Variants in DPP10 observed in about 807,000 individuals in gnomAD.
DPP10 encodes the protein inactive dipeptidyl peptidase 10.
In DPP10, 33 loss-of-function variants were observed where a neutral mutation model predicts 120.9. The ratio of observed to expected loss-of-function variants is 0.27; its 90% CI spans 0.21 to 0.37. The LOEUF is 0.37. Ranked by LOEUF, DPP10 falls within the 10% of genes least tolerant of loss-of-function variation. DPP10 has a pLI of 1.00. For missense variants in DPP10, 816 were observed against 942.8 expected (o/e 0.87, Z 1.76); for synonymous variants, 337 against 326.1 (o/e 1.03, Z -0.36).
intron 1 of DPP10, among the ~76,000 whole-genome samples, chr2:114,522,005 A>T (rs1029761088): frequency 9.3e-6 from 1 of 107,528 alleles, no homozygotes; most frequent in African/African-American, 3.7e-5. Context: ...TTTGAGACGG[A>T]GTCTCGCTCT....
intron 1 of DPP10, among the ~76,000 whole-genome samples, chr2:114,682,569 AATT>A (rs143088528): frequency 1.8e-3 from 269 of 149,130 alleles, no homozygotes; most frequent in African/African-American, 5.0e-3. Context: ...ATCGATGGGT[AATT>A]ATTATTATTA....
intron 2 of DPP10, among the ~76,000 whole-genome samples, chr2:115,317,131 C>A (rs1055173536): frequency 2.0e-5 from 3 of 152,040 alleles, no homozygotes; most frequent in African/African-American, 7.2e-5. Flanking sequence ...ATATTCATCA[C>A]CCCAAAAGGA....
rs1263682058 is a variant in DPP10, at chr2:115,842,427, C to T, written c.*82C>T. Reference sequence around the variant, plus strand: ...AGAGACTGTAATATTGTAGTTGCTCCAGAATGTCAAGGGCAGCTTACGGAG... The same window carrying T: ...AGAGACTGTAATATTGTAGTTGCTCTAGAATGTCAAGGGCAGCTTACGGAG... On this transcript the variant is annotated 3_prime_UTR_variant, in exon 26 of 26. Transcript: ENST00000410059. 1 of 1,497,552 alleles carries T rather than the reference C, an allele frequency of 6.7e-7. No homozygotes were observed. Among genetic ancestry groups the T allele is most frequent in the African/African-American group, 1.4e-5 (1 of 72,658 alleles). The allele number at this position is 1,497,552 out of a possible 1,614,324, so 92.8% of individuals were successfully genotyped here. A position where few individuals can be genotyped will look rare whatever the true frequency, so the allele number is the denominator to read the frequency against.
chr2:115,109,546 A>AG (rs1366695046), intron 1 of DPP10, among the ~76,000 whole-genome samples: 1 of 151,962 alleles, frequency 6.6e-6, no homozygotes, highest in African/African-American at 2.4e-5. Context: ...AAAAAAAAAG[A>AG]AAAAAAAATT....
intron 1 of DPP10, among the ~76,000 whole-genome samples, chr2:115,162,539 G>A (rs1022081307): frequency 1.3e-5 from 2 of 152,154 alleles, no homozygotes; most frequent in South Asian, 2.1e-4. Context: ...GGAGACGGGT[G>A]TGTGTTTGTG....
At chr2:115,575,503 A>G (rs756641197) in intron 5 of DPP10, among the ~76,000 whole-genome samples, 5 of 152,108 alleles carry the variant, frequency 3.3e-5, no homozygotes, top group Non-Finnish European at 7.4e-5. Context: ...TTTTCCTTGT[A>G]CGTACAGAAG....
intron 2 of DPP10, among the ~76,000 whole-genome samples, chr2:115,329,240 C>T (rs1478077317): frequency 6.6e-6 from 1 of 151,698 alleles, no homozygotes; most frequent in Non-Finnish European, 1.5e-5. Flanking sequence ...AGTTACTTAC[C>T]CTATGTTGAG....
At position 115,329,495 on chromosome 2, in the gene DPP10, G is replaced by C. The variant is rs562047917; in HGVS notation, c.176-14322G>C. On this transcript the variant is annotated intron_variant, in intron 2 of 25. Transcript: ENST00000410059. The stretch of plus-strand genomic sequence containing the variant: ...GTACATGTGCAAAACGTGCGGGTTT[G>C]TTACATATGTATACATGTGCCATGT... 3.3e-5 allele frequency among the ~76,000 whole-genome samples: 5 copies of C among 152,120 alleles called. No homozygotes were observed. The East Asian group carries it at 9.7e-4, about 29-fold the overall frequency.
Position 115,198,728 on chromosome 2 carries a change from C to T in DPP10, c.61-110511C>T, listed in dbSNP as rs533124662. Among the ~76,000 whole-genome samples the T allele has an allele frequency of 8.8e-4, 134 of 152,236 alleles. 1 individual carries two copies. The highest frequency in any genetic ancestry group is 6.8e-3 in the Middle Eastern group (2 of 294). ...CCCCAGCCCCACCCAGACTTAAGAT[C>T]AGTGAAGAAGATTTTTTTTCTTGTT... On this transcript the variant is annotated intron_variant, in intron 1 of 25. Transcript: ENST00000410059.
chr2:114,745,877 G>A (rs1678532755), intron 1 of DPP10, among the ~76,000 whole-genome samples: 1 of 152,182 alleles, frequency 6.6e-6, no homozygotes, highest in Non-Finnish European at 1.5e-5. Context: ...AGTCCCCACT[G>A]TCCTTTCTCA....
intron 1 of DPP10, among the ~76,000 whole-genome samples, chr2:115,068,193 C>T (rs868065637): frequency 9.2e-5 from 14 of 152,092 alleles, no homozygotes; most frequent in Middle Eastern, 6.8e-3. Flanking sequence ...AGAATGTACA[C>T]GGGTTTCCAT....
intron 5 of DPP10, among the ~76,000 whole-genome samples, chr2:115,583,934 C>G (rs991942001): frequency 1.8e-4 from 27 of 152,192 alleles, no homozygotes; most frequent in Admixed American, 1.4e-3. Flanking sequence ...GAGGATTTCC[C>G]TAGGCAAAAA....
intron 5 of DPP10, among the ~76,000 whole-genome samples, chr2:115,539,050 A>G (rs1030599944): frequency 1.3e-5 from 2 of 151,964 alleles, no homozygotes; most frequent in Admixed American, 1.3e-4. Flanking sequence ...GGTTTGGGTT[A>G]CATTTCTGTT....
chr2:115,162,047 G>A, intron 1 of DPP10: 1 of 1,421,398 alleles, frequency 7.0e-7, no homozygotes, highest in Non-Finnish European at 9.1e-7. Context: ...CGGCAGCCGC[G>A]GCCAGGCCCT....
Position 114,877,614 on chromosome 2 carries a change from A to G in DPP10, c.61-431625A>G, listed in dbSNP as rs764978776. Among the ~76,000 whole-genome samples the G allele has an allele frequency of 8.7e-4, 133 of 152,070 alleles. 1 individual carries two copies. Among genetic ancestry groups the G allele is most frequent in the Non-Finnish European group, 1.5e-3 (101 of 67,994 alleles). On this transcript the variant is annotated intron_variant, in intron 1 of 25. Transcript: ENST00000410059. ...GGACACACACAATGCCCCTGTCTCT[A>G]TGGCATACAGGCATGCTTTATTGTC... is the stretch of plus-strand genomic sequence containing the variant.
intron 5 of DPP10, among the ~76,000 whole-genome samples, chr2:115,612,879 A>G (rs1419610908): frequency 1.3e-5 from 2 of 151,422 alleles, no homozygotes; most frequent in Non-Finnish European, 2.9e-5. Flanking sequence ...TTTTTTAACC[A>G]GTTTTCTTTC....
intron 1 of DPP10, among the ~76,000 whole-genome samples, chr2:114,802,366 G>A (rs756319972): frequency 1.3e-5 from 2 of 152,132 alleles, no homozygotes; most frequent in East Asian, 3.9e-4. Flanking sequence ...GTCATCTGGT[G>A]TAACTAAATA....
chr2:114,915,038 G>A (rs1392221743), intron 1 of DPP10, among the ~76,000 whole-genome samples: 1 of 152,130 alleles, frequency 6.6e-6, no homozygotes, highest in Non-Finnish European at 1.5e-5. Context: ...GGCTGAGGCA[G>A]GAGAATGGCG....
intron 1 of DPP10, among the ~76,000 whole-genome samples, chr2:114,613,698 G>A (rs1394137135): frequency 6.6e-6 from 1 of 152,148 alleles, no homozygotes. Context: ...ATTTACAATA[G>A]CAAAGACTTG....
Sources: allele counts gnomAD v4.1 joint callset (sites outside exome capture counted in the v4.1 genomes callset), GRCh38; gene constraint gnomAD v4.1.1; transcripts MANE v1.5; gene names NCBI Gene and HGNC (gene_info 2026-07-23, HGNC 2026-07-21).